Variants in KPNA3 observed in about 807,000 individuals in gnomAD.
The protein encoded by KPNA3 is importin subunit alpha-4.
Under a neutral mutation model 73.8 loss-of-function variants are expected in KPNA3, and 13 were observed. That is an observed-to-expected ratio of 0.18 (90% CI 0.11 to 0.28). KPNA3 has a LOEUF of 0.28. Among genes scored for constraint, KPNA3 ranks in the 10% least tolerant of loss-of-function variants. KPNA3 has a pLI of 1.00. For synonymous variants in KPNA3, 186 were observed against 206.9 expected (o/e 0.90, Z 0.87); for missense variants, 360 against 618.1 (o/e 0.58, Z 4.43).
intron 1 of KPNA3, among the ~76,000 whole-genome samples, chr13:49,788,653 C>T (rs143949245): frequency 6.1e-4 from 90 of 148,564 alleles, no homozygotes; most frequent in Non-Finnish European, 1.1e-3. Flanking sequence ...TGGGAGGAGG[C>T]GAAGGTTATA....
intron 1 of KPNA3, among the ~76,000 whole-genome samples, chr13:49,770,179 CTTTTTT>C (rs35910811): frequency 6.0e-5 from 5 of 83,828 alleles, no homozygotes; most frequent in Non-Finnish European, 8.8e-5. Flanking sequence ...TTGTGGGCTG[CTTTTTT>C]TTTTTTTTTT....
chr13:49,740,698 CA>C (rs1370748758), intron 2 of KPNA3, among the ~76,000 whole-genome samples: 2 of 152,144 alleles, frequency 1.3e-5, no homozygotes, highest in Non-Finnish European at 2.9e-5. Context: ...TCTTTATCAG[CA>C]ACGTGAAAAC....
intron 1 of KPNA3, among the ~76,000 whole-genome samples, chr13:49,758,749 A>AAT (rs890733551): frequency 1.5e-4 from 11 of 74,008 alleles, no homozygotes; most frequent in Non-Finnish European, 4.6e-4. Context: ...TATACATATA[A>AAT]ATATACACAC....
At chr13:49,747,334 G>A (rs750215457) in intron 1 of KPNA3, among the ~76,000 whole-genome samples, 12 of 151,288 alleles carry the variant, frequency 7.9e-5, no homozygotes, top group Non-Finnish European at 1.3e-4. Context: ...GCGACAGAGC[G>A]AGACTGCATC....
intron 15 of KPNA3, among the ~76,000 whole-genome samples, chr13:49,704,028 T>G (rs1040769236): frequency 2.6e-5 from 4 of 152,196 alleles, no homozygotes; most frequent in Admixed American, 2.0e-4. Context: ...TTAATTATCT[T>G]AATAGTAAGA....
At chr13:49,792,375 G>A (rs1955041782) in intron 1 of KPNA3, 63 bp downstream of exon 1, 6 of 1,235,568 alleles carry the variant, frequency 4.9e-6, no homozygotes, top group Admixed American at 3.3e-5. Context: ...CCGGCCCCCC[G>A]CCCCTCCCCG....
chr13:49,734,602 G>A (rs528419997), intron 2 of KPNA3, among the ~76,000 whole-genome samples: 1 of 152,164 alleles, frequency 6.6e-6, no homozygotes, highest in African/African-American at 2.4e-5. Context: ...TAATAGTTCT[G>A]TGGTGTCTGA....
intron 1 of KPNA3, among the ~76,000 whole-genome samples, chr13:49,759,559 G>C (rs1324580630): frequency 6.6e-6 from 1 of 152,166 alleles, no homozygotes; most frequent in Non-Finnish European, 1.5e-5. Flanking sequence ...CCTGCAACTA[G>C]AGGTCCCATC....
At chr13:49,718,122 T>C (rs992825995) in intron 10 of KPNA3, among the ~76,000 whole-genome samples, 3 of 152,224 alleles carry the variant, frequency 2.0e-5, no homozygotes, top group Admixed American at 6.5e-5. Flanking sequence ...AGAAAGATTA[T>C]TTAACTTTAC....
chr13:49,729,291 AT>A (rs1954439733), intron 6 of KPNA3, among the ~76,000 whole-genome samples: 1 of 152,188 alleles, frequency 6.6e-6, no homozygotes, highest in South Asian at 2.1e-4. Context: ...GTAAGACAGT[AT>A]ATGTTGCCTC....
At position 49,732,372 on chromosome 13, in the gene KPNA3, T is replaced by G. The variant is rs1165237949; in HGVS notation, c.382A>C (p.Asn128His). The change falls in exon 6 of 17, where the codon AAT (asparagine) becomes CAT (histidine). Residue 128 changes from asparagine (N) to histidine (H), a missense_variant and splice_region_variant. Coordinates refer to ENST00000261667, the MANE Select transcript of KPNA3 (RefSeq NM_002267.4). ...ILVKCLERDDNPSLQFEAAWA... is the reference protein window; with the variant it reads ...ILVKCLERDDHPSLQFEAAWA... The stretch of plus-strand genomic sequence containing the variant: ...ATAGGGAGTAAAATCCATACTTACT[T>G]ATCATCCCTTTCTAGACATTTGACT... The G allele has an allele frequency of 9.3e-6, 14 of 1,503,118 alleles. No homozygotes were observed. Among genetic ancestry groups the G allele is most frequent in the Non-Finnish European group, 1.3e-5 (14 of 1,093,334 alleles). 93.1% of individuals were successfully genotyped at this position (1,503,118 alleles called of 1,614,324 possible).
chr13:49,706,469 A>G, intron 12 of KPNA3, 97 bp from the exon 13 acceptor site: 1 of 796,506 alleles, frequency 1.3e-6, no homozygotes, highest in South Asian at 1.9e-5. Flanking sequence ...AAATCACCTG[A>G]ATTACGTTAA....
intron 1 of KPNA3, among the ~76,000 whole-genome samples, chr13:49,748,996 A>G (rs997585267): frequency 2.0e-5 from 3 of 152,184 alleles, no homozygotes; most frequent in South Asian, 4.1e-4. Flanking sequence ...ACCTAAATGA[A>G]TATTTACTTC....
chr13:49,744,273 T>C (rs931172992), intron 2 of KPNA3, among the ~76,000 whole-genome samples: 1 of 152,222 alleles, frequency 6.6e-6, no homozygotes, highest in African/African-American at 2.4e-5. Flanking sequence ...CCTTACTTTA[T>C]TAAGCTAAGG....
At chr13:49,762,166 C>A (rs1411155042) in intron 1 of KPNA3, among the ~76,000 whole-genome samples, 2 of 149,716 alleles carry the variant, frequency 1.3e-5, no homozygotes, top group African/African-American at 2.5e-5. Flanking sequence ...GGGGCAGCCC[C>A]CGCCCGGCCA....
At chr13:49,757,364 C>T (rs537025941) in intron 1 of KPNA3, among the ~76,000 whole-genome samples, 1 of 151,800 alleles carries the variant, frequency 6.6e-6, no homozygotes, top group South Asian at 2.1e-4. Flanking sequence ...AACCAACCAA[C>T]CAATGGAACT....
chr13:49,723,482 CT>C (rs1474833045), intron 7 of KPNA3, among the ~76,000 whole-genome samples: 1 of 151,790 alleles, frequency 6.6e-6, no homozygotes, highest in Non-Finnish European at 1.5e-5. Flanking sequence ...AGGCAGAGAA[CT>C]GCTTGAACCA....
chr13:49,762,418 T>C (rs1372261917), intron 1 of KPNA3, among the ~76,000 whole-genome samples: 2 of 152,140 alleles, frequency 1.3e-5, no homozygotes, highest in East Asian at 1.9e-4. Context: ...TTTTGTGGAA[T>C]AGAAAAGGGG....
intron 15 of KPNA3, 105 bp from the exon 16 acceptor site, chr13:49,702,585 C>T: frequency 1.7e-6 from 1 of 574,334 alleles, no homozygotes. Context: ...ACTCAGAACA[C>T]ACTGCTCCCC....
Sources: allele counts gnomAD v4.1 joint callset (sites outside exome capture counted in the v4.1 genomes callset), GRCh38; gene constraint gnomAD v4.1.1; transcripts MANE v1.5; gene names NCBI Gene and HGNC (gene_info 2026-07-23, HGNC 2026-07-21).